The following ZBTB7A variants were observed in gnomAD, a reference collection of about 807,000 sequenced individuals.
ZBTB7A encodes the protein zinc finger and BTB domain-containing protein 7A.
In ZBTB7A, 7 loss-of-function variants were observed where a neutral mutation model predicts 26.7. The observed-to-expected ratio is 0.26, with a 90% CI of 0.15 to 0.49. The LOEUF (loss-of-function observed/expected upper bound fraction) is 0.49, where lower values mean the gene tolerates loss of function less well. Among genes scored for constraint, ZBTB7A ranks in the 20% least tolerant of loss-of-function variants. The pLI is 0.98. For missense variants in ZBTB7A, 617 were observed against 919.5 expected, an observed-to-expected ratio of 0.67 and a Z score of 4.25; for synonymous variants, 452 against 441.0, an observed-to-expected ratio of 1.02 and a Z score of -0.31.
At position 4,054,936 on chromosome 19, in the gene ZBTB7A, G is replaced by T; in HGVS notation, c.297C>A (p.Val99=). Residue 99 remains valine (V), a synonymous_variant, in exon 2 of 3, where the codon GTC becomes GTA. Transcript: ENST00000322357. The part of the protein sequence containing the change: ...MDFAYTATLT[V]STANVGDILS... ...GGATGTCACCCACGTTGGCTGTGCT[G>T]ACGGTGAGCGTGGCCGTGTAGGCGA... 6.2e-7 allele frequency: 1 copy of T among 1,611,778 alleles called. No individual in the cohort carries two copies. Among genetic ancestry groups the T allele is most frequent in the Non-Finnish European group, 8.5e-7 (1 of 1,179,704 alleles).
In ZBTB7A at chr19:4,054,352, G is replaced by A. The variant is rs765391543; in HGVS notation, c.881C>T (p.Pro294Leu). Residue 294 changes from proline (P) to leucine (L), a missense_variant, in exon 2 of 3, where the codon CCG becomes CTG. Transcript: ENST00000322357. ...CTCGGCCGCTCCCGACAGGAAGCCC[G>A]GAGAGTCGCCCGGCTCGGGGGCCGC... Reference protein sequence around the residue: ...SEAAPEPGDSPGFLSGAAEGE... With the variant: ...SEAAPEPGDSLGFLSGAAEGE... 8 of 1,487,596 alleles carry A rather than the reference G, an allele frequency of 5.4e-6. No homozygotes were observed. In the South Asian group the frequency reaches 7.6e-5, roughly 14 times the overall value. The allele number at this position is 1,487,596 out of a possible 1,614,324, so 92.1% of individuals were successfully genotyped here.
Position 4,054,292 on chromosome 19 carries a change from A to AGCCCGTCCACGTCGG in ZBTB7A, c.926_940dup (p.Pro309_Gly313dup). On this transcript the variant is annotated inframe_insertion, in exon 2 of 3. Coordinates refer to ENST00000322357, the MANE Select transcript of ZBTB7A (RefSeq NM_015898.4). ...CTGCTGCAGCAGCGTGCTGGCCGCC[A>AGCCCGTCCACGTCGG]GCCCGTCCACGTCGGGCCCGTCCCC... 1 of 1,543,566 alleles carries AGCCCGTCCACGTCGG rather than the reference A, an allele frequency of 6.5e-7. No homozygotes were observed. The highest frequency in any genetic ancestry group is 8.7e-7 in the Non-Finnish European group (1 of 1,151,128).
chr19:4,064,431 C>T (rs1373558428), intron 1 of ZBTB7A, among the ~76,000 whole-genome samples: 2 of 152,196 alleles, frequency 1.3e-5, no homozygotes, highest in African/African-American at 4.8e-5. Context: ...GGGTGGCCCT[C>T]GCGGACAAAC....
rs2040549606 is a variant in ZBTB7A at position 4,054,526 on chromosome 19, T to TCGTCCC, written c.701_706dup (p.Gly234_Asp235dup). The TCGTCCC allele has an allele frequency of 7.0e-7, 1 of 1,438,156 alleles. No homozygotes were observed. The highest frequency in any genetic ancestry group is 1.5e-5 in the South Asian group (1 of 67,966). 89.1% of individuals were successfully genotyped at this position (1,438,156 alleles called of 1,614,324 possible). A position where few individuals can be genotyped will look rare whatever the true frequency, so the allele number is the denominator to read the frequency against. On this transcript the variant is annotated inframe_insertion, in exon 2 of 3. Transcript: ENST00000322357. ...CCACAGACCCGGGTTGCTGTCGCCC[T>TCGTCCC]CGTCCCCGTCCCCCGTCGGGGGCCG...
In ZBTB7A at chr19:4,043,855, C is replaced by G. The variant is rs1002002108; in HGVS notation, c.*3897G>C. Among the ~76,000 whole-genome samples the G allele has an allele frequency of 4.8e-5, 7 of 146,444 alleles. No homozygotes were observed. Among genetic ancestry groups the G allele is most frequent in the South Asian group, 2.2e-4 (1 of 4,448 alleles). ...GCCAGCCACCCACCACCCCCCCCCC[C>G]CCACCTCCAGGAAGGCTGCTTCAAC... is the stretch of plus-strand genomic sequence containing the variant. On this transcript the variant is annotated 3_prime_UTR_variant, in exon 3 of 3. Transcript: ENST00000322357.
At chr19:4,060,435 C>G (rs1200384428) in intron 1 of ZBTB7A, among the ~76,000 whole-genome samples, 1 of 152,242 alleles carries the variant, frequency 6.6e-6, no homozygotes, top group Non-Finnish European at 1.5e-5. Context: ...TCTGTGCTCC[C>G]AAACTAACTG....
Position 4,054,024 on chromosome 19 carries a change from G to A in ZBTB7A, c.1209C>T (p.Thr403=). Residue 403 remains threonine (T), a synonymous_variant, in exon 2 of 3, where the codon ACC becomes ACT. Coordinates refer to ENST00000322357, the MANE Select transcript of ZBTB7A (RefSeq NM_015898.4). ...GAGKLPRHIR[T]HTGEKPYECN... is the part of the protein sequence containing the mutation. Reference sequence around the variant, plus strand: ...ACTCGTAGGGCTTCTCGCCCGTGTGGGTGCGGATGTGTCGCGGCAGCTTGC... The same window carrying A: ...ACTCGTAGGGCTTCTCGCCCGTGTGAGTGCGGATGTGTCGCGGCAGCTTGC... 1.2e-6 allele frequency: 2 copies of A among 1,611,990 alleles called. No individual in the cohort carries two copies. The highest frequency in any genetic ancestry group is 1.7e-6 in the Non-Finnish European group (2 of 1,179,766).
Position 4,048,656 on chromosome 19 carries a change from C to A in ZBTB7A, c.1263-412G>T, listed in dbSNP as rs1456976129. On this transcript the variant is annotated intron_variant, in intron 2 of 2. Transcript: ENST00000322357. This position sits in a 1 kb window ranked among gnomAD's most constrained non-coding sequence, Gnocchi z 6.7. Reference sequence around the variant, plus strand: ...GACCAGCCTGATCGACACGGTGAAACCCTGTCTCTACTAAAAAAACAAAAA... The same window carrying A: ...GACCAGCCTGATCGACACGGTGAAAACCTGTCTCTACTAAAAAAACAAAAA... 1.3e-5 allele frequency among the ~76,000 whole-genome samples: 2 copies of A among 150,668 alleles called. No homozygotes were observed. The highest frequency in any genetic ancestry group is 2.9e-5 in the Non-Finnish European group (2 of 67,880).
intron 1 of ZBTB7A, among the ~76,000 whole-genome samples, chr19:4,057,391 G>A (rs1001411585): frequency 2.0e-5 from 3 of 152,174 alleles, no homozygotes; most frequent in African/African-American, 7.2e-5. Context: ...GCTACAGGAG[G>A]ACGCAGTAGC....
chr19:4,058,772 G>A (rs1213714695), intron 1 of ZBTB7A, among the ~76,000 whole-genome samples: 5 of 152,204 alleles, frequency 3.3e-5, no homozygotes, highest in Admixed American at 6.5e-5. Context: ...CGGTCCAGCC[G>A]GACCCAAAGC....
chr19:4,057,054 GA>G (rs142605802), intron 1 of ZBTB7A, among the ~76,000 whole-genome samples: 47 of 128,238 alleles, frequency 3.7e-4, no homozygotes, highest in Admixed American at 5.6e-4. Flanking sequence ...AAAAGAAAAA[GA>G]AAAAAAAAAA....
intron 1 of ZBTB7A, among the ~76,000 whole-genome samples, chr19:4,064,046 C>T (rs1328519029): frequency 1.3e-5 from 2 of 152,212 alleles, no homozygotes; most frequent in Non-Finnish European, 2.9e-5. Context: ...TTTGTGATCG[C>T]CCCAGGAACC....
At position 4,054,160 on chromosome 19, in the gene ZBTB7A, C is replaced by T. The variant is rs754912492; in HGVS notation, c.1073G>A (p.Gly358Asp). 6.2e-7 allele frequency: 1 copy of T among 1,601,906 alleles called. No individual in the cohort carries two copies. The highest frequency in any genetic ancestry group is 1.3e-5 in the African/African-American group (1 of 74,906). Residue 358 changes from glycine (G) to aspartate (D), a missense_variant, in exon 2 of 3, where the codon GGC (glycine) becomes GAC (aspartate). Physicochemically the swap from Gly to Asp is moderately conservative, Grantham distance 94. Coordinates refer to ENST00000322357, the MANE Select transcript of ZBTB7A (RefSeq NM_015898.4). ...CGGGTAGACGTCGCCGTCGTGGGCG[C>T]CGCTGAAGTACTTCAGGTAGTAGTC... Reference protein sequence around the residue: ...VMDYYLKYFSGAHDGDVYPAW... With the variant: ...VMDYYLKYFSDAHDGDVYPAW...
At chr19:4,049,461 G>A (rs1182639259) in intron 2 of ZBTB7A, among the ~76,000 whole-genome samples, 3 of 151,566 alleles carry the variant, frequency 2.0e-5, no homozygotes, top group Admixed American at 1.3e-4. Flanking sequence ...GACCTTTGCC[G>A]AGCGCCCGCT....
rs1007814386 is a variant in ZBTB7A at position 4,048,934 on chromosome 19, C to CG, written c.1263-691dup. ...TGGAGGTTGCAGTGAGCCCAGATCACGCCACTGCCCTCCAACCTCGGTGAC... is the reference window on the plus strand; with the variant it reads ...TGGAGGTTGCAGTGAGCCCAGATCACGGCCACTGCCCTCCAACCTCGGTGAC... On this transcript the variant is annotated intron_variant, in intron 2 of 2. Coordinates refer to ENST00000322357, the MANE Select transcript of ZBTB7A (RefSeq NM_015898.4). This position sits in a 1 kb window ranked among gnomAD's most constrained non-coding sequence, Gnocchi z 6.7. 2.7e-5 allele frequency among the ~76,000 whole-genome samples: 4 copies of CG among 148,710 alleles called. No individual in the cohort carries two copies. The highest frequency in any genetic ancestry group is 9.9e-5 in the African/African-American group (4 of 40,446).
chr19:4,049,573 C>A (rs2040474928), intron 2 of ZBTB7A, among the ~76,000 whole-genome samples: 1 of 152,066 alleles, frequency 6.6e-6, no homozygotes, highest in Non-Finnish European at 1.5e-5. Context: ...TGTTTGGTGA[C>A]AGATAGGGTG....
rs1179715041 is a variant in ZBTB7A at position 4,066,732 on chromosome 19, G to A, written c.-66C>T. ...GGGGCCGGGGCCCGAAGTTGGGACTGGGCTCCCTCGGCCGCTCGCCTCCGG... is the reference window on the plus strand; with the variant it reads ...GGGGCCGGGGCCCGAAGTTGGGACTAGGCTCCCTCGGCCGCTCGCCTCCGG... On this transcript the variant is annotated 5_prime_UTR_variant, in exon 1 of 3. Transcript: ENST00000322357. 6.6e-6 allele frequency: 1 copy of A among 151,394 alleles called. No homozygotes were observed. The highest frequency in any genetic ancestry group is 6.6e-5 in the Admixed American group (1 of 15,166). The allele number at this position is 151,394 out of a possible 1,614,324, so 9.4% of individuals were successfully genotyped here.
rs1181710933 is a variant in ZBTB7A at position 4,054,618 on chromosome 19, A to G, written c.615T>C (p.Ala205=). ...AGTCGCCCGCGGCCACGGCGGCCAC[A>G]GCGGCGGCCACGGCCTCCTTGGTGG... The part of the protein sequence containing the change: ...LDATKEAVAA[A]VAAVAAGDCN... The change falls in exon 2 of 3, where the codon GCT becomes GCC. Residue 205 remains alanine, a synonymous_variant. Coordinates refer to ENST00000322357, the MANE Select transcript of ZBTB7A (RefSeq NM_015898.4). 3 of 1,589,120 alleles carry G rather than the reference A, an allele frequency of 1.9e-6. No homozygotes were observed. Among genetic ancestry groups the G allele is most frequent in the South Asian group, 1.1e-5 (1 of 88,884 alleles).
chr19:4,053,945 C>T (rs1446301297), intron 2 of ZBTB7A, 26 bp downstream of exon 2: 42 of 1,565,522 alleles, frequency 2.7e-5, no homozygotes, highest in Non-Finnish European at 3.4e-5. Context: ...AGCAGGACGG[C>T]GCCTCCCCCG....
Sources: gnomAD v4.1 joint callset for allele counts (sites outside exome capture counted in the v4.1 genomes callset) on GRCh38, gnomAD v4.1.1 for gene constraint, Gnocchi (gnomAD v3.1) non-coding constraint, MANE v1.5 for transcripts, NCBI Gene and HGNC (gene_info 2026-07-23, HGNC 2026-07-21) for gene names.